Variants in RDM1 observed in about 807,000 individuals in gnomAD.
RDM1 encodes RAD52 motif-containing protein 1.
In RDM1, 28 loss-of-function variants were observed where a neutral mutation model predicts 27.7. The ratio of observed to expected loss-of-function variants is 1.01; its 90% CI spans 0.75 to 1.39. The LOEUF (loss-of-function observed/expected upper bound fraction) is 1.39. RDM1 is among the 40% of genes most tolerant of loss of function. The pLI is 0.00. For synonymous variants in RDM1, 124 were observed against 127.5 expected (o/e 0.97, Z 0.19); for missense variants, 277 against 337.3 (o/e 0.82, Z 1.40).
At position 35,920,215 on chromosome 17, in the gene RDM1, C is replaced by T. The variant is rs776626089; in HGVS notation, c.725G>A (p.Cys242Tyr). 4 of 1,600,782 alleles carry T rather than the reference C, an allele frequency of 2.5e-6. No homozygotes were observed. The highest frequency in any genetic ancestry group is 3.4e-6 in the Non-Finnish European group (4 of 1,170,100). The stretch of plus-strand genomic sequence containing the variant: ...AATTAAACCGTGTAGTTCTTCTTCG[C>T]ATCTGACACCTACGATGTCTTCACT... ...RPSEDIVGVR[C>Y]EEELHGLIQV... The change falls in exon 6 of 7, where the codon TGC becomes TAC. Residue 242 changes from cysteine to tyrosine, a missense_variant. Transcript: ENST00000620284.
intron 6 of RDM1, among the ~76,000 whole-genome samples, chr17:35,919,416 C>T (rs931466967): frequency 6.6e-6 from 1 of 152,154 alleles, no homozygotes; most frequent in African/African-American, 2.4e-5. Context: ...GCATATACTT[C>T]CACAAACCTA....
chr17:35,924,472 C>T, intron 4 of RDM1, 132 bp downstream of exon 4: 1 of 931,808 alleles, frequency 1.1e-6, no homozygotes, highest in South Asian at 2.0e-5. Flanking sequence ...AAACTCTGCC[C>T]AGGACTTCAG....
At chr17:35,921,188 A>C (rs2088933388) in intron 5 of RDM1, among the ~76,000 whole-genome samples, 1 of 152,240 alleles carries the variant, frequency 6.6e-6, no homozygotes, top group Non-Finnish European at 1.5e-5. Flanking sequence ...CAGTGTGTGC[A>C]AGATACCTTT....
intron 2 of RDM1, among the ~76,000 whole-genome samples, chr17:35,927,117 A>G (rs1432932601): frequency 1.3e-5 from 1 of 79,296 alleles, no homozygotes; most frequent in Non-Finnish European, 2.3e-5. Context: ...CATTTCACCA[A>G]AAAAAAAAAA....
At chr17:35,928,686 C>T (rs757757840) in intron 2 of RDM1, among the ~76,000 whole-genome samples, 2 of 151,712 alleles carry the variant, frequency 1.3e-5, no homozygotes, top group African/African-American at 2.4e-5. Context: ...CGCTTGAACC[C>T]GGGAGGCGGA....
At chr17:35,927,861 A>T (rs1325307904) in intron 2 of RDM1, among the ~76,000 whole-genome samples, 2 of 152,250 alleles carry the variant, frequency 1.3e-5, no homozygotes, top group Non-Finnish European at 2.9e-5. Flanking sequence ...AATGTTTCAT[A>T]ATCTTAGTTG....
intron 2 of RDM1, among the ~76,000 whole-genome samples, chr17:35,929,000 G>A (rs561038578): frequency 1.9e-4 from 29 of 152,020 alleles, no homozygotes; most frequent in African/African-American, 5.1e-4. Flanking sequence ...ACTTGAACCC[G>A]GAAGGCAGAG....
intron 6 of RDM1, among the ~76,000 whole-genome samples, chr17:35,918,867 T>C (rs1464285672): frequency 6.6e-6 from 1 of 152,248 alleles, no homozygotes; most frequent in East Asian, 1.9e-4. Flanking sequence ...ACTCATTGTC[T>C]GGCACAATCA....
intron 5 of RDM1, among the ~76,000 whole-genome samples, chr17:35,920,948 C>T (rs2088924047): frequency 6.6e-6 from 1 of 152,160 alleles, no homozygotes; most frequent in South Asian, 2.1e-4. Context: ...GGAATAGAGA[C>T]CACTGGGCTA....
In RDM1 at chr17:35,918,289, G is replaced by A. The variant is rs1257106533; in HGVS notation, c.*53C>T. On this transcript the variant is annotated 3_prime_UTR_variant, in exon 7 of 7. Coordinates refer to ENST00000620284, the MANE Select transcript of RDM1 (RefSeq NM_145654.4). ...GTGGGGCGGCGTGGGGTAGGGGCACGACAGAGCTTCCCAAGGAAGTTACAT... is the reference window on the plus strand; with the variant it reads ...GTGGGGCGGCGTGGGGTAGGGGCACAACAGAGCTTCCCAAGGAAGTTACAT... 8 of 1,525,886 alleles carry A rather than the reference G, an allele frequency of 5.2e-6. No individual in the cohort carries two copies. In the East Asian group the frequency reaches 6.7e-5, roughly 13 times the overall value. 94.5% of individuals were successfully genotyped at this position (1,525,886 alleles called of 1,614,324 possible). A position where few individuals can be genotyped will look rare whatever the true frequency, so the allele number is the denominator to read the frequency against.
chr17:35,919,744 A>G (rs931371912), intron 6 of RDM1, among the ~76,000 whole-genome samples: 1 of 152,234 alleles, frequency 6.6e-6, no homozygotes, highest in East Asian at 1.9e-4. Flanking sequence ...TATTCTACCC[A>G]AGATATACGT....
intron 5 of RDM1, among the ~76,000 whole-genome samples, chr17:35,921,066 G>A (rs182007034): frequency 6.6e-5 from 10 of 152,314 alleles, no homozygotes; most frequent in African/African-American, 2.2e-4. Context: ...GCTTCTGAGA[G>A]AGAGAACATT....
At chr17:35,920,440 C>T (rs1370618989) in intron 5 of RDM1, among the ~76,000 whole-genome samples, 168 bp from the exon 6 acceptor site, 1 of 144,152 alleles carries the variant, frequency 6.9e-6, no homozygotes, top group African/African-American at 2.6e-5. Flanking sequence ...TCAGTTTTTT[C>T]TTTCTTTCTT....
At chr17:35,920,067 A>C in intron 6 of RDM1, 120 bp downstream of exon 6, 1 of 566,746 alleles carries the variant, frequency 1.8e-6, no homozygotes, top group Non-Finnish European at 3.2e-6. Context: ...CTGCACTCAA[A>C]AGTAGTATCA....
In RDM1 at chr17:35,918,145, C is replaced by T; in HGVS notation, c.*197G>A. 1 of 594,898 alleles carries T rather than the reference C, an allele frequency of 1.7e-6. No homozygotes were observed. The highest frequency in any genetic ancestry group is 3.0e-6 in the Non-Finnish European group (1 of 333,188). The allele number at this position is 594,898 out of a possible 1,614,324, so 36.9% of individuals were successfully genotyped here. A position where few individuals can be genotyped will look rare whatever the true frequency, so the allele number is the denominator to read the frequency against. On this transcript the variant is annotated 3_prime_UTR_variant, in exon 7 of 7. Transcript: ENST00000620284. ...CTCCTCGTCACCAGGGCGATCTTAT[C>T]CCACAATCCTACCCAAGCCTCCCTT...
Position 35,924,648 on chromosome 17 carries a change from G to A in RDM1, c.524C>T (p.Pro175Leu). 1 of 1,614,000 alleles carries A rather than the reference G, an allele frequency of 6.2e-7. No homozygotes were observed. The highest frequency in any genetic ancestry group is 1.1e-5 in the South Asian group (1 of 91,060). The change falls in exon 4 of 7, where the codon CCT becomes CTT. Residue 175 changes from proline to leucine, a missense_variant. Coordinates refer to ENST00000620284, the MANE Select transcript of RDM1 (RefSeq NM_145654.4). ...AGGCTCCTCCACCAAGCCAATGCCA[G>A]GACTCCTGCAATCACAGGATGGCAA... ...VVLPSCDCRS[P>L]GIGLVEEPMD...
intron 6 of RDM1, among the ~76,000 whole-genome samples, chr17:35,919,506 TATACTGA>T (rs2088865547): frequency 6.6e-6 from 1 of 152,240 alleles, no homozygotes; most frequent in Non-Finnish European, 1.5e-5. Flanking sequence ...TGTATGTTAC[TATACTGA>T]ATACTGAAGG....
At chr17:35,923,736 A>G (rs993507204) in intron 4 of RDM1, among the ~76,000 whole-genome samples, 1 of 152,126 alleles carries the variant, frequency 6.6e-6, no homozygotes, top group African/African-American at 2.4e-5. Context: ...ACTCCACTCC[A>G]TTAGCCTACA....
intron 6 of RDM1, among the ~76,000 whole-genome samples, chr17:35,919,193 C>A (rs1477229171): frequency 6.6e-6 from 1 of 151,696 alleles, no homozygotes; most frequent in Non-Finnish European, 1.5e-5. Context: ...ACACTCTAGC[C>A]CCAAATTAAG....
Sources: gnomAD v4.1 joint callset for allele counts (sites outside exome capture counted in the v4.1 genomes callset) on GRCh38, gnomAD v4.1.1 for gene constraint, MANE v1.5 for transcripts, NCBI Gene and HGNC (gene_info 2026-07-23, HGNC 2026-07-21) for gene names.